Variants in BRWD1 observed in about 807,000 individuals in gnomAD.
BRWD1 encodes bromodomain and WD repeat domain containing 1, also known as bromodomain and WD repeat-containing protein 1.
A neutral mutation model predicts 251.2 loss-of-function variants in BRWD1; 82 were observed. The ratio of observed to expected loss-of-function variants is 0.33; its 90% CI spans 0.27 to 0.39. BRWD1 has a LOEUF of 0.39. Among genes scored for constraint, BRWD1 ranks in the 10% least tolerant of loss-of-function variants. The probability of loss-of-function intolerance (pLI) is 1.00; values close to 1 mark genes in which losing one functional copy is unlikely to be tolerated. For synonymous variants in BRWD1, 918 were observed against 902.8 expected, an observed-to-expected ratio of 1.02 and a Z score of -0.30; for missense variants, 2,233 against 2,711.6, an observed-to-expected ratio of 0.82 and a Z score of 3.92.
Position 39,213,464 on chromosome 21 carries a change from A to G in BRWD1, c.3858+17T>C. ...TGAAATTAACAAAAACCATTATAAAATCAACAAACTTCATACCAAATCCTC... is the reference window on the plus strand; with the variant it reads ...TGAAATTAACAAAAACCATTATAAAGTCAACAAACTTCATACCAAATCCTC... On this transcript the variant is annotated intron_variant, in intron 33 of 40. Coordinates refer to ENST00000342449, the MANE Select transcript of BRWD1 (RefSeq NM_033656.4). The G allele has an allele frequency of 6.2e-7, 1 of 1,600,342 alleles. No individual in the cohort carries two copies. Among genetic ancestry groups the G allele is most frequent in the Non-Finnish European group, 8.5e-7 (1 of 1,172,240 alleles).
Position 39,190,503 on chromosome 21 carries a change from A to C in BRWD1, c.*5756T>G. Reference sequence around the variant, plus strand: ...TGGTTGGTGGATAAATCAAATCCACAAAGTGGGTAAACCCTCTAGGTGCAA... The same window carrying C: ...TGGTTGGTGGATAAATCAAATCCACCAAGTGGGTAAACCCTCTAGGTGCAA... On this transcript the variant is annotated 3_prime_UTR_variant, in exon 41 of 41. Coordinates refer to ENST00000342449, the MANE Select transcript of BRWD1 (RefSeq NM_033656.4). 2 of 985,416 alleles carry C rather than the reference A, an allele frequency of 2.0e-6. No homozygotes were observed. The highest frequency in any genetic ancestry group is 2.4e-6 in the Non-Finnish European group (2 of 829,910). The allele number at this position is 985,416 out of a possible 1,614,324, so 61.0% of individuals were successfully genotyped here.
At chr21:39,281,504 A>C (rs2035455594) in intron 8 of BRWD1, among the ~76,000 whole-genome samples, 1 of 152,148 alleles carries the variant, frequency 6.6e-6, no homozygotes, top group African/African-American at 2.4e-5. Flanking sequence ...AGACCAGCCT[A>C]GGTGACATGG....
rs1448876456 is a variant in BRWD1, at chr21:39,190,025, C to G, written c.*6234G>C. 12 of 985,228 alleles carry G rather than the reference C, an allele frequency of 1.2e-5. No homozygotes were observed. The African/African-American group carries it at 2.1e-4, about 17-fold the overall frequency. The allele number at this position is 985,228 out of a possible 1,614,324, so 61.0% of individuals were successfully genotyped here. A position where few individuals can be genotyped will look rare whatever the true frequency, so the allele number is the denominator to read the frequency against. On this transcript the variant is annotated 3_prime_UTR_variant, in exon 41 of 41. Transcript: ENST00000342449. ...ATTCCCTACTTGGGTATGGCAAGAA[C>G]ACATCAGTAGTGTAAAACTGTACAT... is the stretch of plus-strand genomic sequence containing the variant.
chr21:39,226,147 A>G (rs547122798), intron 27 of BRWD1, among the ~76,000 whole-genome samples: 2 of 152,080 alleles, frequency 1.3e-5, no homozygotes, highest in Non-Finnish European at 2.9e-5. Context: ...TACAAAAACA[A>G]CCCTTTAAAT....
chr21:39,277,228 G>T, intron 11 of BRWD1, 23 bp downstream of exon 11: 2 of 1,549,546 alleles, frequency 1.3e-6, no homozygotes, highest in South Asian at 1.1e-5. Context: ...TAATCTAAAG[G>T]ATTTTAAAAC....
Position 39,195,322 on chromosome 21 carries a change from ATTAAC to A in BRWD1, c.*932_*936del, listed in dbSNP as rs1172818186. On this transcript the variant is annotated 3_prime_UTR_variant, in exon 41 of 41. Transcript: ENST00000342449. ...GAATACAGATGGGGGAAACCTACATATTAACTTAAATACTCTTTTAGCCCTGTACA... is the reference window on the plus strand; with the variant it reads ...GAATACAGATGGGGGAAACCTACATATTAAATACTCTTTTAGCCCTGTACA... 2.0e-6 allele frequency: 2 copies of A among 999,984 alleles called. No individual in the cohort carries two copies. The highest frequency in any genetic ancestry group is 2.2e-4 in the East Asian group (2 of 9,296). 61.9% of individuals were successfully genotyped at this position (999,984 alleles called of 1,614,324 possible).
chr21:39,318,982 T>G (rs574666755), intron 1 of BRWD1, among the ~76,000 whole-genome samples: 48 of 152,310 alleles, frequency 3.2e-4, no homozygotes, highest in African/African-American at 1.1e-3. Flanking sequence ...CTGCATTGCC[T>G]GGCCTTAAGT....
At chr21:39,278,897 T>A in intron 9 of BRWD1, 84 bp from the exon 10 acceptor site, 1 of 1,062,606 alleles carries the variant, frequency 9.4e-7, no homozygotes, top group Non-Finnish European at 1.3e-6. Context: ...ATCTAGCATA[T>A]TTAAATATTA....
Position 39,205,582 on chromosome 21 carries a change from G to C in BRWD1, c.4364+526C>G, listed in dbSNP as rs576772781. ...AGCTCAGGAGTTCGAGACCAGCCTG[G>C]GCAACACGGTGAAACCCTGTCTCTA... is the stretch of plus-strand genomic sequence containing the variant. On this transcript the variant is annotated intron_variant, in intron 37 of 40. Coordinates refer to ENST00000342449, the MANE Select transcript of BRWD1 (RefSeq NM_033656.4). Among the ~76,000 whole-genome samples the C allele has an allele frequency of 3.9e-5, 6 of 152,140 alleles. No homozygotes were observed. In the South Asian group the frequency reaches 1.2e-3, roughly 32 times the overall value.
Position 39,218,617 on chromosome 21 carries a change from T to C in BRWD1, c.3426A>G (p.Thr1142=). The C allele has an allele frequency of 6.2e-7, 1 of 1,610,438 alleles. No homozygotes were observed. Among genetic ancestry groups the C allele is most frequent in the Non-Finnish European group, 8.5e-7 (1 of 1,179,026 alleles). ...TATAGAGCAATTTCTCTAGCTCATC[T>C]GTTGTGACAGAAATACTAGCTCCTA... is the stretch of plus-strand genomic sequence containing the variant. ...EELGASISVT[T]DELEKLLYKP... Residue 1142 remains threonine (T), a synonymous_variant, in exon 30 of 41, where the codon ACA becomes ACG. Transcript: ENST00000342449.
intron 4 of BRWD1, among the ~76,000 whole-genome samples, chr21:39,303,419 T>G (rs1451383559): frequency 4.1e-5 from 6 of 146,708 alleles, no homozygotes; most frequent in African/African-American, 1.3e-4. Context: ...CTTGAGAGGC[T>G]GAGGCAGGAG....
rs6517529 is a variant in BRWD1, at chr21:39,212,672, C to T, written c.3894G>A (p.Arg1298=). The change falls in exon 34 of 41, where the codon AGG becomes AGA. Residue 1298 remains arginine (R), a synonymous_variant. Coordinates refer to ENST00000342449, the MANE Select transcript of BRWD1 (RefSeq NM_033656.4). ...ACCATGCAGAGTAACTTACTCTCCT[C>T]CTTCCAGAAGATGTTTTAGGAAGAT... ...DSDLPKTSSG[R]RRVHDGKKSI... 0.92 allele frequency: 1,446,147 copies of T among 1,574,200 alleles called. 668,001 individuals are homozygous for T. Among genetic ancestry groups the T allele is most frequent in the African/African-American group, 0.97 (71,390 of 73,706 alleles).
In BRWD1 at chr21:39,198,969, G is replaced by C; in HGVS notation, c.5447C>G (p.Thr1816Ser). 1 of 1,613,860 alleles carries C rather than the reference G, an allele frequency of 6.2e-7. No individual in the cohort carries two copies. Residue 1816 changes from threonine to serine, a missense_variant, in exon 40 of 41, where the codon ACC (threonine) becomes AGC (serine). This residue lies in a region of BRWD1 where 928 missense variants were observed against 970.0 expected (regional missense o/e 0.96). Coordinates refer to ENST00000342449, the MANE Select transcript of BRWD1 (RefSeq NM_033656.4). The stretch of plus-strand genomic sequence containing the variant: ...GTCTTCTGAGTCACTCAGAATCTTG[G>C]TTTTTTTAAAGAAACTCGCATTCTT... ...FHKNASFFKK[T>S]KILSDSEDSE...
intron 10 of BRWD1, chr21:39,278,537 A>T (rs2035350145): frequency 3.9e-6 from 2 of 514,446 alleles, no homozygotes; most frequent in Non-Finnish European, 6.9e-6. Context: ...CTCTTATATC[A>T]CTGATTACTA....
rs9980086 is a variant in BRWD1, at chr21:39,319,034, C to T, written n.534+1992G>A. 4.4e-3 allele frequency among the ~76,000 whole-genome samples: 664 copies of T among 152,234 alleles called. 1 individual carries two copies. Among genetic ancestry groups the T allele is most frequent in the Non-Finnish European group, 7.9e-3 (534 of 68,010 alleles). On this transcript the variant is annotated intron_variant and non_coding_transcript_variant, in intron 1 of 4. Transcript: ENST00000470108. ...CCTTCCAAAGTGCTGGGATTACAGGCGTGAGCCACCACACCTGGACTTTGA... is the reference window on the plus strand; with the variant it reads ...CCTTCCAAAGTGCTGGGATTACAGGTGTGAGCCACCACACCTGGACTTTGA...
chr21:39,259,163 C>A lies in BRWD1; in HGVS notation c.1886-491G>T, dbSNP rs541355456. 3.3e-5 allele frequency among the ~76,000 whole-genome samples: 5 copies of A among 152,262 alleles called. No homozygotes were observed. The South Asian group carries it at 1.0e-3, about 32-fold the overall frequency. ...AGCCTTCAACAAGACTTTAGCTCTC[C>A]CTCTGCCCCAAGAGTCCTCGGAGAA... On this transcript the variant is annotated intron_variant, in intron 17 of 40. Transcript: ENST00000342449.
upstream of BRWD1, among the ~76,000 whole-genome samples, chr21:39,317,550 T>C (rs1025073551): frequency 2.6e-5 from 4 of 152,214 alleles, no homozygotes; most frequent in African/African-American, 9.7e-5. Context: ...CAGTATTATC[T>C]TAGACTGAAA....
At chr21:39,267,054 C>T (rs1235958583) in intron 15 of BRWD1, among the ~76,000 whole-genome samples, 1 of 152,134 alleles carries the variant, frequency 6.6e-6, no homozygotes, top group African/African-American at 2.4e-5. Context: ...ATGTATCCCA[C>T]GGATTTTAAA....
intron 29 of BRWD1, among the ~76,000 whole-genome samples, chr21:39,222,525 T>C (rs1341542086): frequency 2.6e-5 from 4 of 152,132 alleles, no homozygotes; most frequent in Admixed American, 6.5e-5. Flanking sequence ...CAAATGGACA[T>C]AGGAGCCAAC....
Sources: allele counts gnomAD v4.1 joint callset (sites outside exome capture counted in the v4.1 genomes callset), GRCh38; gene constraint gnomAD v4.1.1; regional missense constraint gnomAD v4.1.1; transcripts MANE v1.5; gene names NCBI Gene and HGNC (gene_info 2026-07-23, HGNC 2026-07-21).